The following IWS1 variants were observed in gnomAD, a reference collection of about 807,000 sequenced individuals.
IWS1 encodes protein IWS1 homolog.
IWS1 carries 27 observed loss-of-function variants against 86.7 expected under a neutral mutation model. That is an observed-to-expected ratio of 0.31 (90% CI 0.23 to 0.43). The LOEUF is 0.43. Among genes scored for constraint, IWS1 ranks in the 20% least tolerant of loss-of-function variants. The probability of loss-of-function intolerance (pLI) is 1.00; values close to 1 mark genes in which losing one functional copy is unlikely to be tolerated. For synonymous variants in IWS1, 313 were observed against 335.1 expected, an observed-to-expected ratio of 0.93 and a Z score of 0.72; for missense variants, 827 against 1,000.8, an observed-to-expected ratio of 0.83 and a Z score of 2.34.
At chr2:127,483,944 T>C (rs1689795126) in intron 13 of IWS1, among the ~76,000 whole-genome samples, 1 of 150,488 alleles carries the variant, frequency 6.6e-6, no homozygotes. Flanking sequence ...TGTTTCTCTT[T>C]GTACTTAAAC....
chr2:127,483,252 T>TA (rs968204646), intron 13 of IWS1, among the ~76,000 whole-genome samples: 1 of 152,226 alleles, frequency 6.6e-6, no homozygotes, highest in African/African-American at 2.4e-5. Flanking sequence ...AATGAACATA[T>TA]AAAAAATACA....
chr2:127,491,957 G>A lies in IWS1; in HGVS notation c.2047+14C>T, dbSNP rs1690250502. The A allele has an allele frequency of 5.9e-6, 9 of 1,534,784 alleles. No homozygotes were observed. The highest frequency in any genetic ancestry group is 8.1e-6 in the Non-Finnish European group (9 of 1,107,976). Reference sequence around the variant, plus strand: ...ACACATAAACACAACAAACAAAAAGGAAAATTTACATACTGATTAATTTCC... The same window carrying A: ...ACACATAAACACAACAAACAAAAAGAAAAATTTACATACTGATTAATTTCC... On this transcript the variant is annotated intron_variant, in intron 10 of 13. Coordinates refer to ENST00000295321, the MANE Select transcript of IWS1 (RefSeq NM_017969.3).
rs1432107750 is a variant in IWS1, at chr2:127,503,559, C to A, written c.1237G>T (p.Val413Phe). The A allele has an allele frequency of 6.3e-7, 1 of 1,588,310 alleles. No individual in the cohort carries two copies. The highest frequency in any genetic ancestry group is 1.4e-5 in the African/African-American group (1 of 74,030). ...EEKASAKKSRVVSDADDSDSD... is the reference protein window; with the variant it reads ...EEKASAKKSRFVSDADDSDSD... ...TCAGAGTCATCTGCATCAGAGACAA[C>A]ACGACTCTTCTTTGCTGCTGTTGAA... The change falls in exon 4 of 14, where the codon GTT (valine) becomes TTT (phenylalanine). Residue 413 changes from valine (V) to phenylalanine (F), a missense_variant. Transcript: ENST00000295321.
At chr2:127,483,574 G>GGGGGGT (rs1301123151) in intron 13 of IWS1, among the ~76,000 whole-genome samples, 2 of 46,996 alleles carry the variant, frequency 4.3e-5, no homozygotes, top group Non-Finnish European at 8.1e-5. Flanking sequence ...ATTTGGTCGG[G>GGGGGGT]GCGGGGGGTG....
At position 127,526,456 on chromosome 2, in the gene IWS1, T is replaced by A. The variant is rs1455302030; in HGVS notation, c.-248A>T. On this transcript the variant is annotated 5_prime_UTR_variant, in exon 1 of 14. Coordinates refer to ENST00000295321, the MANE Select transcript of IWS1 (RefSeq NM_017969.3). ...CAGGCATGCGAGCCGGCGTTCTACT[T>A]CCTAGAAGCACCGCTGGGGCCAAAA... The A allele has an allele frequency of 2.6e-6, 4 of 1,533,060 alleles. No homozygotes were observed. The highest frequency in any genetic ancestry group is 3.5e-6 in the Non-Finnish European group (4 of 1,139,958). The allele number at this position is 1,533,060 out of a possible 1,614,324, so 95.0% of individuals were successfully genotyped here. A position where few individuals can be genotyped will look rare whatever the true frequency, so the allele number is the denominator to read the frequency against.
At chr2:127,524,873 T>TTTTTTG (rs141922143) in intron 1 of IWS1, among the ~76,000 whole-genome samples, 5 of 149,050 alleles carry the variant, frequency 3.4e-5, no homozygotes, top group Non-Finnish European at 5.9e-5. Context: ...AGGAAAGTGT[T>TTTTTTG]TTTTTGTTTT....
chr2:127,489,803 T>A lies in IWS1; in HGVS notation c.2159+29A>T. 1 of 1,193,042 alleles carries A rather than the reference T, an allele frequency of 8.4e-7. No individual in the cohort carries two copies. Among genetic ancestry groups the A allele is most frequent in the Non-Finnish European group, 1.3e-6 (1 of 797,472 alleles). 73.9% of individuals were successfully genotyped at this position (1,193,042 alleles called of 1,614,324 possible). On this transcript the variant is annotated intron_variant, in intron 11 of 13. Transcript: ENST00000295321. The surrounding 1 kb of genome is among the most constrained non-coding windows in gnomAD (Gnocchi z 4.8). ...GAGTTACTGCAACAATAACGTGTATTCCACTTACTCATACCTGTTCCCTCA... is the reference window on the plus strand; with the variant it reads ...GAGTTACTGCAACAATAACGTGTATACCACTTACTCATACCTGTTCCCTCA...
Position 127,505,436 on chromosome 2 carries a change from G to A in IWS1, c.467C>T (p.Ala156Val). Residue 156 changes from alanine (A) to valine (V), a missense_variant, in exon 3 of 14, where the codon GCC becomes GTC. Ala to Val is a moderately conservative substitution (Grantham distance 64). This residue lies in a region of IWS1 where 548 missense variants were observed against 560.2 expected (regional missense o/e 0.98). Transcript: ENST00000295321. This position sits in a 1 kb window ranked among gnomAD's most constrained non-coding sequence, Gnocchi z 5.0. ...SENEDVGKHP[A>V]SDSEIEELQK... is the part of the protein sequence containing the mutation. ...GAGCTCCTCAATCTCAGAATCACTG[G>A]CGGGATGCTTCCCAACATCTTCGTT... 6.2e-7 allele frequency: 1 copy of A among 1,614,062 alleles called. No homozygotes were observed. The highest frequency in any genetic ancestry group is 8.5e-7 in the Non-Finnish European group (1 of 1,180,010).
At chr2:127,486,126 T>C (rs1689917095) in intron 13 of IWS1, 3 of 170,080 alleles carry the variant, frequency 1.8e-5, no homozygotes, top group Admixed American at 5.5e-5. Flanking sequence ...ACAGAATAAG[T>C]GTCTACCCTA....
chr2:127,494,530 G>A (rs1690412113), intron 8 of IWS1: 1 of 159,932 alleles, frequency 6.3e-6, no homozygotes, highest in Non-Finnish European at 1.4e-5. Context: ...GAGAGGATGA[G>A]GTGGGAGGAT....
intron 1 of IWS1, 92 bp downstream of exon 1, chr2:127,526,083 G>C: frequency 7.9e-7 from 1 of 1,271,004 alleles, no homozygotes. Flanking sequence ...GGTTTCGGGG[G>C]GCCTCCTTGC....
At chr2:127,492,308 G>T (rs1264071583) in intron 9 of IWS1, among the ~76,000 whole-genome samples, 1 of 152,204 alleles carries the variant, frequency 6.6e-6, no homozygotes, top group Non-Finnish European at 1.5e-5. Context: ...ACTTTGGGAG[G>T]CTGAGGCGGG....
intron 10 of IWS1, 77 bp from the exon 11 acceptor site, chr2:127,490,020 T>C: frequency 2.5e-6 from 2 of 786,802 alleles, no homozygotes; most frequent in Non-Finnish European, 2.3e-6. Flanking sequence ...CACCCCAGTG[T>C]GAGGGGATAT....
chr2:127,504,763 ATCT>A lies in IWS1; in HGVS notation c.1137_1139del (p.Glu379del). The A allele has an allele frequency of 6.2e-7, 1 of 1,613,596 alleles. No individual in the cohort carries two copies. Among genetic ancestry groups the A allele is most frequent in the Non-Finnish European group, 8.5e-7 (1 of 1,179,890 alleles). ...CTTTCTCCTCCTCACCCTCTTTTTC[ATCT>A]TCATCACTGTCCATTTTTTGCTTTT... is the stretch of plus-strand genomic sequence containing the variant. On this transcript the variant is annotated inframe_deletion, in exon 3 of 14. Coordinates refer to ENST00000295321, the MANE Select transcript of IWS1 (RefSeq NM_017969.3).
intron 2 of IWS1, among the ~76,000 whole-genome samples, chr2:127,512,689 GCTA>G (rs1165652929): frequency 2.6e-5 from 4 of 152,092 alleles, no homozygotes; most frequent in Non-Finnish European, 5.9e-5. Context: ...AAATATCTTG[GCTA>G]CTAAGCCCAT....
intron 1 of IWS1, 86 bp from the exon 2 acceptor site, chr2:127,523,877 G>T: frequency 1.1e-6 from 1 of 924,078 alleles, no homozygotes; most frequent in South Asian, 1.6e-5. Flanking sequence ...CAAGAATAAC[G>T]TAAGTGCAAA....
At chr2:127,488,337 G>A (rs1690044687) in intron 12 of IWS1, among the ~76,000 whole-genome samples, 2 of 152,122 alleles carry the variant, frequency 1.3e-5, no homozygotes, top group Non-Finnish European at 1.5e-5. Flanking sequence ...TATCTCATTA[G>A]GCATGTCACA....
At chr2:127,526,504 A>G (rs1692431253), upstream of IWS1, 2 of 1,494,362 alleles carry the variant, frequency 1.3e-6, no homozygotes, top group South Asian at 2.4e-5. Flanking sequence ...ACGACCCTCA[A>G]AGGAATGCAG....
chr2:127,526,311 T>A lies in IWS1; in HGVS notation c.-103A>T, dbSNP rs548020525. The A allele has an allele frequency of 1.9e-6, 3 of 1,541,322 alleles. No homozygotes were observed. The Admixed American group carries it at 5.9e-5, about 30-fold the overall frequency. ...ATGGCGCGGCTAAGTGTTCAGAGAC[T>A]GCCGCCCGACCGGAGAACTTAACGG... On this transcript the variant is annotated 5_prime_UTR_variant, in exon 1 of 14. Coordinates refer to ENST00000295321, the MANE Select transcript of IWS1 (RefSeq NM_017969.3).
Sources: allele counts gnomAD v4.1 joint callset (sites outside exome capture counted in the v4.1 genomes callset), GRCh38; gene constraint gnomAD v4.1.1; regional missense constraint gnomAD v4.1.1; non-coding constraint Gnocchi (gnomAD v3.1); transcripts MANE v1.5; gene names NCBI Gene and HGNC (gene_info 2026-07-23, HGNC 2026-07-21).